The following OPHN1 variants were observed in gnomAD, a reference collection of about 807,000 sequenced individuals.
OPHN1 encodes the protein oligophrenin 1.
In OPHN1, 11 loss-of-function variants were observed where a neutral mutation model predicts 60.7. The observed-to-expected ratio is 0.18, with a 90% CI of 0.11 to 0.30. The LOEUF (loss-of-function observed/expected upper bound fraction) is 0.30. OPHN1 is among the 10% of genes least tolerant of loss of function. The pLI is 1.00. For missense variants in OPHN1, 449 were observed against 611.0 expected (o/e 0.73, Z 2.80); for synonymous variants, 226 against 222.6 (o/e 1.02, Z -0.14).
intron 6 of OPHN1, among the ~76,000 whole-genome samples, chrX:68,227,999 G>C (rs977820853): frequency 1.8e-5 from 2 of 111,136 alleles, no homozygotes; most frequent in Non-Finnish European, 1.9e-5. Context: ...CAGCAGAATT[G>C]ATAGACTGCT....
intron 15 of OPHN1, among the ~76,000 whole-genome samples, chrX:68,168,174 C>A (rs1265551743): frequency 9.0e-6 from 1 of 110,938 alleles, no homozygotes; most frequent in Non-Finnish European, 1.9e-5. Flanking sequence ...CTACAGAACT[C>A]TCCACCCCAA....
At chrX:68,099,448 G>A (rs374774182) in intron 18 of OPHN1, among the ~76,000 whole-genome samples, 1 of 111,186 alleles carries the variant, frequency 9.0e-6, no homozygotes, top group African/African-American at 3.3e-5. Flanking sequence ...TGAGAGAAAT[G>A]GGCCTGGTGA....
intron 15 of OPHN1, among the ~76,000 whole-genome samples, chrX:68,170,757 G>A (rs1483060829): frequency 1.2e-5 from 1 of 83,618 alleles, no homozygotes; most frequent in Admixed American, 1.7e-4. Context: ...ACAGGAAGGG[G>A]AACATCACAC....
intron 2 of OPHN1, among the ~76,000 whole-genome samples, chrX:68,385,071 A>T (rs1364538311): frequency 9.0e-6 from 1 of 111,635 alleles, no homozygotes; most frequent in African/African-American, 3.3e-5. Context: ...TTTTTTTAAA[A>T]AAAATCAGTA....
intron 19 of OPHN1, among the ~76,000 whole-genome samples, chrX:68,094,569 T>C (rs2077030934): frequency 9.0e-6 from 1 of 111,538 alleles, no homozygotes; most frequent in African/African-American, 3.3e-5. Context: ...TCTCAATTTA[T>C]CTAGATTTTC....
intron 18 of OPHN1, among the ~76,000 whole-genome samples, chrX:68,104,921 G>A (rs1276147270): frequency 9.0e-6 from 1 of 111,306 alleles, no homozygotes; most frequent in African/African-American, 3.3e-5. Flanking sequence ...TATGATAAAG[G>A]GCTAATATCC....
intron 21 of OPHN1, among the ~76,000 whole-genome samples, chrX:68,060,944 A>G (rs2147356613): frequency 8.9e-6 from 1 of 112,146 alleles, no homozygotes; most frequent in East Asian, 2.8e-4. Context: ...TTCAGATGCC[A>G]GGGAATCTAC....
intron 6 of OPHN1, among the ~76,000 whole-genome samples, chrX:68,217,938 T>C (rs2077623975): frequency 2.9e-5 from 3 of 103,690 alleles, no homozygotes; most frequent in African/African-American, 9.9e-5. Context: ...AGAATGACTT[T>C]GACGAGCTGA....
chrX:68,230,830 G>T (rs1407553134), intron 6 of OPHN1, among the ~76,000 whole-genome samples: 2 of 108,510 alleles, frequency 1.8e-5, no homozygotes, highest in African/African-American at 3.4e-5. Flanking sequence ...GAGTTAATGG[G>T]TGCAGCACAC....
chrX:68,075,885 C>T (rs749645983), intron 19 of OPHN1, among the ~76,000 whole-genome samples: 13 of 107,678 alleles, frequency 1.2e-4, no homozygotes, highest in Non-Finnish European at 1.9e-4. Flanking sequence ...TATAAAATTT[C>T]GAGGAGAAAA....
At chrX:68,323,886 G>T (rs907557578) in intron 2 of OPHN1, among the ~76,000 whole-genome samples, 13 of 111,865 alleles carry the variant, frequency 1.2e-4, no homozygotes, top group African/African-American at 4.2e-4. Flanking sequence ...AAAAGCATTT[G>T]ATTAAAATGC....
chrX:68,122,514 T>C, intron 15 of OPHN1, among the ~76,000 whole-genome samples: 1 of 111,433 alleles, frequency 9.0e-6, no homozygotes, highest in Middle Eastern at 4.6e-3. Context: ...CATCAGAGAC[T>C]AATCTTGGAG....
At chrX:68,129,810 C>A (rs1171530211) in intron 15 of OPHN1, among the ~76,000 whole-genome samples, 1 of 111,885 alleles carries the variant, frequency 8.9e-6, no homozygotes, top group Non-Finnish European at 1.9e-5. Flanking sequence ...GTTGATAAAA[C>A]AGATCAAGTG....
At chrX:68,049,004 T>C (rs1027791944) in intron 23 of OPHN1, among the ~76,000 whole-genome samples, 1 of 111,211 alleles carries the variant, frequency 9.0e-6, no homozygotes, top group African/African-American at 3.3e-5. Context: ...ACCTTCTGTT[T>C]TTCTCTTCTC....
At chrX:68,340,025 A>G (rs1452754898) in intron 2 of OPHN1, among the ~76,000 whole-genome samples, 2 of 112,568 alleles carry the variant, frequency 1.8e-5, no homozygotes, top group Non-Finnish European at 3.7e-5. Flanking sequence ...AACTTTGTAT[A>G]CTGGAAACTA....
chrX:68,337,404 G>A (rs763094268), intron 2 of OPHN1, among the ~76,000 whole-genome samples: 3 of 111,944 alleles, frequency 2.7e-5, no homozygotes, highest in South Asian at 3.6e-4. Flanking sequence ...ATATAGCAAC[G>A]AAAAAGCATG....
At chrX:68,271,988 A>G (rs773546168) in intron 5 of OPHN1, among the ~76,000 whole-genome samples, 58 of 89,675 alleles carry the variant, frequency 6.5e-4, no homozygotes, top group African/African-American at 2.2e-3. Flanking sequence ...CTCAGCTGGA[A>G]ACTTCAAGAG....
chrX:68,124,747 G>C (rs1263288462), intron 15 of OPHN1, among the ~76,000 whole-genome samples: 5 of 110,509 alleles, frequency 4.5e-5, no homozygotes, highest in Non-Finnish European at 9.5e-5. Context: ...ATAGGTTCAA[G>C]CAGCCCTCCC....
chrX:68,290,095 T>C (rs1424736448), intron 3 of OPHN1, among the ~76,000 whole-genome samples: 1 of 111,634 alleles, frequency 9.0e-6, no homozygotes, highest in African/African-American at 3.3e-5. Context: ...ATTGATTATT[T>C]ACTATGACAT....
Sources: gnomAD v4.1 joint callset for allele counts (sites outside exome capture counted in the v4.1 genomes callset) on GRCh38, gnomAD v4.1.1 for gene constraint, MANE v1.5 for transcripts, NCBI Gene and HGNC (gene_info 2026-07-23, HGNC 2026-07-21) for gene names.